The following TBC1D12 variants were observed in gnomAD, a reference collection of about 807,000 sequenced individuals.
TBC1D12 encodes TBC1 domain family, member 12.
A neutral mutation model predicts 86.7 loss-of-function variants in TBC1D12; 56 were observed. That is an observed-to-expected ratio of 0.65 (90% CI 0.52 to 0.81). The LOEUF (loss-of-function observed/expected upper bound fraction) is 0.81, where lower values mean the gene tolerates loss of function less well. Ranked by LOEUF, TBC1D12 falls within the 30% of genes least tolerant of loss-of-function variation. The pLI is 0.00. For missense variants in TBC1D12, 1,023 were observed against 1,038.8 expected, an observed-to-expected ratio of 0.98 and a Z score of 0.21; for synonymous variants, 421 against 411.7, an observed-to-expected ratio of 1.02 and a Z score of -0.27.
At chr10:94,416,601 T>C (rs2055000852) in intron 1 of TBC1D12, among the ~76,000 whole-genome samples, 1 of 152,208 alleles carries the variant, frequency 6.6e-6, no homozygotes, top group African/African-American at 2.4e-5. Flanking sequence ...GTCCTCTATG[T>C]ATACTAGGCA....
chr10:94,493,515 C>G, intron 4 of TBC1D12, 68 bp downstream of exon 4: 1 of 1,134,208 alleles, frequency 8.8e-7, no homozygotes, highest in South Asian at 1.3e-5. Context: ...TAAAATTCAT[C>G]AAGTCTGTCT....
At chr10:94,511,026 T>C (rs1428807980) in intron 8 of TBC1D12, among the ~76,000 whole-genome samples, 2 of 152,058 alleles carry the variant, frequency 1.3e-5, no homozygotes, top group South Asian at 2.1e-4. Context: ...TGACAAATTA[T>C]ATAGCTTGTA....
intron 1 of TBC1D12, among the ~76,000 whole-genome samples, chr10:94,421,423 C>T (rs2055071846): frequency 6.6e-6 from 1 of 152,156 alleles, no homozygotes; most frequent in Admixed American, 6.5e-5. Context: ...TGCATTCATC[C>T]ATTGATGGAC....
rs756758737 is a variant in TBC1D12 at position 94,474,745 on chromosome 10, G to T, written c.1173G>T (p.Pro391=). 4 of 1,614,038 alleles carry T rather than the reference G, an allele frequency of 2.5e-6. No homozygotes were observed. The highest frequency in any genetic ancestry group is 1.7e-5 in the Admixed American group (1 of 60,012). Residue 391 remains proline, a synonymous_variant, in exon 3 of 13, where the codon CCG becomes CCT. Transcript: ENST00000225235. ...GACGCAAGAATTTTGAATTTGAGCC[G>T]CTTTCTACCACTGCCTTGATTCTTG... is the stretch of plus-strand genomic sequence containing the variant. ...SSRRKNFEFE[P]LSTTALILED...
At chr10:94,502,162 G>A (rs1287656148) in intron 6 of TBC1D12, among the ~76,000 whole-genome samples, 8 of 151,674 alleles carry the variant, frequency 5.3e-5, no homozygotes, top group East Asian at 3.9e-4. Context: ...GAGAAACCCC[G>A]TCTCTACTAA....
chr10:94,406,310 T>C (rs74153323), intron 1 of TBC1D12, among the ~76,000 whole-genome samples: 3,328 of 152,308 alleles, frequency 0.022, 123 homozygotes, highest in African/African-American at 0.074. Flanking sequence ...AGCACTGGAT[T>C]TGAAGTCAGA....
chr10:94,502,739 G>GATA (rs1429279390), intron 6 of TBC1D12, among the ~76,000 whole-genome samples: 1 of 152,176 alleles, frequency 6.6e-6, no homozygotes, highest in African/African-American at 2.4e-5. Flanking sequence ...TGGTCTAAAT[G>GATA]ATAATGTTAA....
chr10:94,489,047 G>A (rs2056210356), intron 3 of TBC1D12, among the ~76,000 whole-genome samples: 2 of 152,078 alleles, frequency 1.3e-5, no homozygotes, highest in African/African-American at 2.4e-5. Context: ...CCAGTCCACC[G>A]GCTCTAAGCC....
chr10:94,510,749 T>G (rs757676965), intron 8 of TBC1D12, among the ~76,000 whole-genome samples: 56 of 152,076 alleles, frequency 3.7e-4, no homozygotes, highest in East Asian at 3.9e-4. Context: ...GCAATCCTCC[T>G]GCATCAGCCT....
At chr10:94,405,812 A>ATTT (rs34165101) in intron 1 of TBC1D12, among the ~76,000 whole-genome samples, 1 of 144,068 alleles carries the variant, frequency 6.9e-6, no homozygotes, top group African/African-American at 2.6e-5. Flanking sequence ...ATTTCTGAAC[A>ATTT]TTTTTTTTTT....
chr10:94,517,740 T>G lies in TBC1D12; in HGVS notation c.1762-4215T>G, dbSNP rs532796375. ...GTCATGATTTGACAAAATACGTTTTTAACTATGTTAATGAATAACATATGC... is the reference window on the plus strand; with the variant it reads ...GTCATGATTTGACAAAATACGTTTTGAACTATGTTAATGAATAACATATGC... On this transcript the variant is annotated intron_variant, in intron 9 of 12. Transcript: ENST00000225235. Among the ~76,000 whole-genome samples the G allele has an allele frequency of 2.6e-5, 4 of 152,360 alleles. No homozygotes were observed. In the South Asian group the frequency reaches 8.3e-4, roughly 32 times the overall value.
At chr10:94,484,499 C>G (rs1434747912) in intron 3 of TBC1D12, among the ~76,000 whole-genome samples, 1 of 152,150 alleles carries the variant, frequency 6.6e-6, no homozygotes, top group African/African-American at 2.4e-5. Flanking sequence ...CTCAGCCTCC[C>G]AAAGTGCTGG....
chr10:94,510,665 A>AT (rs1251868721), intron 8 of TBC1D12, among the ~76,000 whole-genome samples: 3 of 152,072 alleles, frequency 2.0e-5, no homozygotes, highest in Non-Finnish European at 4.4e-5. Flanking sequence ...TCATGTCTTT[A>AT]TTTTTATTTC....
intron 1 of TBC1D12, among the ~76,000 whole-genome samples, chr10:94,435,934 G>A (rs1281422442): frequency 1.3e-5 from 2 of 152,034 alleles, no homozygotes; most frequent in East Asian, 1.9e-4. Context: ...ATCTTTCCTC[G>A]TTGATCTGCA....
chr10:94,520,381 C>T (rs932032511), intron 9 of TBC1D12, among the ~76,000 whole-genome samples: 9 of 151,862 alleles, frequency 5.9e-5, no homozygotes, highest in East Asian at 2.0e-4. Flanking sequence ...GGAGAAACCC[C>T]GTCTCTACTA....
rs760373766 is a variant in TBC1D12 at position 94,486,136 on chromosome 10, C to CTTTTTTTTTTTTTTTTTTTTTTTTTTTT, written c.1212-7227_1212-7226insTTTTTTTTTTTTTTTTTTTTTTTTTTTT. On this transcript the variant is annotated intron_variant, in intron 3 of 12. Coordinates refer to ENST00000225235, the MANE Select transcript of TBC1D12 (RefSeq NM_015188.2). Reference sequence around the variant, plus strand: ...GCTCTTTTTCTTTTTTCTTCTTCTTCTTCTTTTTTTTTTTTTTTTTTGTTA... The same window carrying CTTTTTTTTTTTTTTTTTTTTTTTTTTTT: ...GCTCTTTTTCTTTTTTCTTCTTCTTCTTTTTTTTTTTTTTTTTTTTTTTTTTTTTTCTTTTTTTTTTTTTTTTTTGTTA... Among the ~76,000 whole-genome samples the CTTTTTTTTTTTTTTTTTTTTTTTTTTTT allele has an allele frequency of 5.0e-5, 6 of 120,874 alleles. 1 individual carries two copies. The highest frequency in any genetic ancestry group is 5.1e-5 in the Non-Finnish European group (3 of 58,916). 79.3% of individuals were successfully genotyped at this position (120,874 alleles called of 152,430 possible).
chr10:94,433,802 TC>T (rs1172284392), intron 1 of TBC1D12, among the ~76,000 whole-genome samples: 7 of 152,224 alleles, frequency 4.6e-5, no homozygotes, highest in African/African-American at 1.7e-4. Context: ...CTTAAGCCCT[TC>T]TATTTTATGG....
chr10:94,532,172 G>A (rs201016798), intron 12 of TBC1D12, among the ~76,000 whole-genome samples: 1 of 144,350 alleles, frequency 6.9e-6, no homozygotes, highest in Non-Finnish European at 1.5e-5. Flanking sequence ...CAGTCACCGC[G>A]CCTGGCCTAT....
At chr10:94,482,458 T>TA (rs2056091375) in intron 3 of TBC1D12, among the ~76,000 whole-genome samples, 2 of 150,246 alleles carry the variant, frequency 1.3e-5, no homozygotes, top group African/African-American at 4.9e-5. Flanking sequence ...CATTCTGGGT[T>TA]TTTTTTTTTG....
Sources: gnomAD v4.1 joint callset for allele counts (sites outside exome capture counted in the v4.1 genomes callset) on GRCh38, gnomAD v4.1.1 for gene constraint, MANE v1.5 for transcripts, NCBI Gene and HGNC (gene_info 2026-07-23, HGNC 2026-07-21) for gene names.